The following SMARCA2 variants were observed in gnomAD, a reference collection of about 807,000 sequenced individuals.
SMARCA2 encodes the protein SWI/SNF related BAF chromatin remodeling complex subunit ATPase 2.
In SMARCA2, 61 loss-of-function variants were observed where a neutral mutation model predicts 199.8. The observed-to-expected ratio is 0.31, with a 90% CI of 0.25 to 0.38. The LOEUF is 0.38. Ranked by LOEUF, SMARCA2 falls within the 10% of genes least tolerant of loss-of-function variation. The probability of loss-of-function intolerance (pLI) is 1.00; values close to 1 mark genes in which losing one functional copy is unlikely to be tolerated. For synonymous variants in SMARCA2, 935 were observed against 732.0 expected (o/e 1.28, Z -4.48); for missense variants, 1,344 against 2,012.2 (o/e 0.67, Z 6.35).
intron 2 of SMARCA2, among the ~76,000 whole-genome samples, chr9:2,030,896 A>C (rs1029969997): frequency 1.1e-4 from 16 of 152,168 alleles, no homozygotes; most frequent in African/African-American, 3.9e-4. Flanking sequence ...TTTTGTTAAA[A>C]GTGTTGTAAT....
intron 3 of SMARCA2, among the ~76,000 whole-genome samples, chr9:2,034,073 C>T (rs551681130): frequency 1.1e-4 from 16 of 151,946 alleles, no homozygotes; most frequent in Admixed American, 3.3e-4. Context: ...GGTGAAACCC[C>T]GTCTCTAGTA....
At chr9:2,176,775 C>T (rs1176426366) in intron 29 of SMARCA2, among the ~76,000 whole-genome samples, 1 of 150,816 alleles carries the variant, frequency 6.6e-6, no homozygotes, top group East Asian at 1.9e-4. Context: ...CTGTGCTGGT[C>T]TTGAATTCCT....
rs757327536 is a variant in SMARCA2, at chr9:2,159,020, T to C, written c.3982-2666T>C. 2.5e-6 allele frequency: 4 copies of C among 1,607,976 alleles called. No homozygotes were observed. The Admixed American group carries it at 6.7e-5, about 27-fold the overall frequency. On this transcript the variant is annotated intron_variant, in intron 27 of 33. Transcript: ENST00000349721. ...TTTCCTTGTAATTCCAAAACCTAAATTTAATAAGAATCTGCACGTATTAGC... is the reference window on the plus strand; with the variant it reads ...TTTCCTTGTAATTCCAAAACCTAAACTTAATAAGAATCTGCACGTATTAGC...
intron 13 of SMARCA2, 76 bp from the exon 14 acceptor site, chr9:2,077,553 A>C: frequency 6.8e-7 from 1 of 1,470,464 alleles, no homozygotes; most frequent in Non-Finnish European, 9.4e-7. Context: ...AGGTTCTCAA[A>C]TCATTTTTTG....
At chr9:2,060,375 A>G (rs1398536058) in intron 8 of SMARCA2, among the ~76,000 whole-genome samples, 1 of 152,204 alleles carries the variant, frequency 6.6e-6, no homozygotes, top group Non-Finnish European at 1.5e-5. Context: ...AGTCATCACA[A>G]GTGAATTTTT....
chr9:2,160,439 T>C (rs1341035970), intron 27 of SMARCA2: 1 of 518,134 alleles, frequency 1.9e-6, no homozygotes, highest in Non-Finnish European at 3.4e-6. Context: ...CACTGGCATT[T>C]TTAACATGCC....
At chr9:2,180,040 AC>A (rs1161429319) in intron 29 of SMARCA2, among the ~76,000 whole-genome samples, 2 of 152,172 alleles carry the variant, frequency 1.3e-5, no homozygotes, top group Non-Finnish European at 2.9e-5. Context: ...CTTGTCATAT[AC>A]TATGTGGCAT....
At chr9:2,074,981 A>T (rs919969298) in intron 12 of SMARCA2, 1 of 152,260 alleles carries the variant, frequency 6.6e-6, no homozygotes, top group African/African-American at 2.4e-5. Context: ...ATGGGCTTAT[A>T]AGTGACCTAC....
intron 16 of SMARCA2, 146 bp downstream of exon 16, chr9:2,083,559 C>A: frequency 3.8e-6 from 2 of 528,650 alleles, no homozygotes; most frequent in East Asian, 3.1e-5. Flanking sequence ...GTTAATCATC[C>A]CAAGAAGATT....
intron 33 of SMARCA2, chr9:2,191,718 T>C (rs1236449250): frequency 4.4e-6 from 1 of 229,082 alleles, no homozygotes; most frequent in African/African-American, 2.3e-5. Context: ...AGCCAGTTAA[T>C]ATTTTACATG....
intron 19 of SMARCA2, among the ~76,000 whole-genome samples, chr9:2,089,670 T>C (rs1821966444): frequency 6.6e-6 from 1 of 152,218 alleles, no homozygotes. Flanking sequence ...TGCTGGTGAA[T>C]GCATCTTGGA....
At chr9:2,165,644 C>T (rs1401393719) in intron 28 of SMARCA2, among the ~76,000 whole-genome samples, 2 of 152,152 alleles carry the variant, frequency 1.3e-5, no homozygotes, top group African/African-American at 2.4e-5. Flanking sequence ...CTTTTAAAAA[C>T]TCATATTCTC....
At chr9:2,087,325 G>A (rs1821845652) in intron 18 of SMARCA2, 1 of 482,800 alleles carries the variant, frequency 2.1e-6, no homozygotes, top group Non-Finnish European at 3.7e-6. Flanking sequence ...TACCAGAAAA[G>A]GGTCCCAACC....
At chr9:2,035,088 C>T (rs1412965163) in intron 3 of SMARCA2, among the ~76,000 whole-genome samples, 1 of 151,826 alleles carries the variant, frequency 6.6e-6, no homozygotes, top group Non-Finnish European at 1.5e-5. Flanking sequence ...GTTGCCCAGG[C>T]TGGAGTGCAG....
intron 32 of SMARCA2, 147 bp downstream of exon 32, chr9:2,186,375 G>T (rs757543640): frequency 8.0e-5 from 62 of 771,330 alleles, no homozygotes; most frequent in Non-Finnish European, 1.1e-4. Context: ...GCAACCGGTG[G>T]CCATGTCCTT....
Position 2,170,361 on chromosome 9 carries a change from C to T in SMARCA2, c.4200-58C>T, listed in dbSNP as rs368452299. ...GTCACCCAGCCTAGGAAGAAGGAGCCGGGCGGGGACGAGAACCCAGGTCTT... is the reference window on the plus strand; with the variant it reads ...GTCACCCAGCCTAGGAAGAAGGAGCTGGGCGGGGACGAGAACCCAGGTCTT... On this transcript the variant is annotated intron_variant, in intron 28 of 33. Transcript: ENST00000349721. This position sits in a 1 kb window ranked among gnomAD's most constrained non-coding sequence, Gnocchi z 4.7. The T allele has an allele frequency of 2.6e-4, 420 of 1,608,536 alleles. No homozygotes were observed. Among genetic ancestry groups the T allele is most frequent in the Non-Finnish European group, 3.2e-4 (378 of 1,176,974 alleles).
At chr9:2,023,328 C>T (rs1818685937) in intron 1 of SMARCA2, among the ~76,000 whole-genome samples, 1 of 152,186 alleles carries the variant, frequency 6.6e-6, no homozygotes, top group African/African-American at 2.4e-5. Flanking sequence ...GCAGCTCACC[C>T]ACATCCTAAT....
intron 28 of SMARCA2, 119 bp downstream of exon 28, chr9:2,162,022 T>C (rs887737589): frequency 5.5e-6 from 4 of 723,848 alleles, no homozygotes; most frequent in Admixed American, 2.9e-5. Flanking sequence ...TTCTAGTTTG[T>C]GTTTTATGGC....
intron 1 of SMARCA2, among the ~76,000 whole-genome samples, chr9:2,023,235 T>C (rs1207625082): frequency 6.6e-6 from 1 of 152,174 alleles, no homozygotes; most frequent in Non-Finnish European, 1.5e-5. Context: ...TCTTTTGTTG[T>C]GCACAGAGCT....
Sources: allele counts gnomAD v4.1 joint callset (sites outside exome capture counted in the v4.1 genomes callset), GRCh38; gene constraint gnomAD v4.1.1; non-coding constraint Gnocchi (gnomAD v3.1); transcripts MANE v1.5; gene names NCBI Gene and HGNC (gene_info 2026-07-23, HGNC 2026-07-21).